Variants in STK25 observed in about 807,000 individuals in gnomAD.
STK25 encodes the protein serine/threonine kinase 25, also known as serine/threonine-protein kinase 25.
Under a neutral mutation model 53.8 loss-of-function variants are expected in STK25, and 29 were observed. The ratio of observed to expected loss-of-function variants is 0.54; its 90% CI spans 0.40 to 0.74. The LOEUF (loss-of-function observed/expected upper bound fraction) is 0.74, where lower values mean the gene tolerates loss of function less well. STK25 is among the 30% of genes least tolerant of loss of function. The probability of loss-of-function intolerance (pLI) is 0.00; values close to 1 mark genes in which losing one functional copy is unlikely to be tolerated. For synonymous variants in STK25, 247 were observed against 238.3 expected, an observed-to-expected ratio of 1.04 and a Z score of -0.33; for missense variants, 420 against 568.0, an observed-to-expected ratio of 0.74 and a Z score of 2.65.
At position 241,496,187 on chromosome 2, in the gene STK25, C is replaced by G. The variant is rs943413431; in HGVS notation, c.1241+211G>C. ...GCCTCAGACCCTTAGACTGGAAAGG[C>G]CCTGCCCACTCTCTCCAGCCCCAAA... is the stretch of plus-strand genomic sequence containing the variant. On this transcript the variant is annotated intron_variant, in intron 11 of 11. Coordinates refer to ENST00000316586, the MANE Select transcript of STK25 (RefSeq NM_001271977.2). This position sits in a 1 kb window ranked among gnomAD's most constrained non-coding sequence, Gnocchi z 5.8. Among the ~76,000 whole-genome samples, 2 of 152,186 alleles carry G rather than the reference C, an allele frequency of 1.3e-5. No homozygotes were observed. Among genetic ancestry groups the G allele is most frequent in the African/African-American group, 4.8e-5 (2 of 41,444 alleles).
intron 2 of STK25, among the ~76,000 whole-genome samples, chr2:241,507,523 C>T (rs889503460): frequency 6.6e-6 from 1 of 152,252 alleles, no homozygotes; most frequent in Non-Finnish European, 1.5e-5. Flanking sequence ...TGCACACCGG[C>T]CACTCAGATC....
chr2:241,493,885 C>T lies in STK25; in HGVS notation c.*1777G>A, dbSNP rs564274819. On this transcript the variant is annotated 3_prime_UTR_variant, in exon 12 of 12. Coordinates refer to ENST00000316586, the MANE Select transcript of STK25 (RefSeq NM_001271977.2). ...GTGCTGGGATTATAGGCATGAGCCA[C>T]CGCACCCGGCCCCAGGTTTTTAACC... 7 of 602,032 alleles carry T rather than the reference C, an allele frequency of 1.2e-5. No homozygotes were observed. In the East Asian group the frequency reaches 1.2e-4, roughly 10 times the overall value. The allele number at this position is 602,032 out of a possible 1,614,324, so 37.3% of individuals were successfully genotyped here.
chr2:241,493,786 A>G lies in STK25; in HGVS notation c.*1876T>C. 2 of 485,962 alleles carry G rather than the reference A, an allele frequency of 4.1e-6. No individual in the cohort carries two copies. Among genetic ancestry groups the G allele is most frequent in the East Asian group, 3.5e-5 (1 of 28,802 alleles). 30.1% of individuals were successfully genotyped at this position (485,962 alleles called of 1,614,324 possible). A position where few individuals can be genotyped will look rare whatever the true frequency, so the allele number is the denominator to read the frequency against. The stretch of plus-strand genomic sequence containing the variant: ...TAATTTTTGTATTTTTAGTAGAGAC[A>G]GGGTTTCACCATGTTGGCCAGGCTG... On this transcript the variant is annotated 3_prime_UTR_variant, in exon 12 of 12. Transcript: ENST00000316586.
At chr2:241,503,770 C>G (rs1448941408) in intron 2 of STK25, among the ~76,000 whole-genome samples, 1 of 151,818 alleles carries the variant, frequency 6.6e-6, no homozygotes, top group African/African-American at 2.4e-5. Flanking sequence ...AGGACAGGTC[C>G]TTGGGTGGGG....
Position 241,494,191 on chromosome 2 carries a change from C to A in STK25, c.*1471G>T. 1.0e-6 allele frequency: 1 copy of A among 977,940 alleles called. No individual in the cohort carries two copies. Among genetic ancestry groups the A allele is most frequent in the Non-Finnish European group, 1.5e-6 (1 of 686,766 alleles). 60.6% of individuals were successfully genotyped at this position (977,940 alleles called of 1,614,324 possible). On this transcript the variant is annotated 3_prime_UTR_variant, in exon 12 of 12. Coordinates refer to ENST00000316586, the MANE Select transcript of STK25 (RefSeq NM_001271977.2). The surrounding 1 kb of genome is among the most constrained non-coding windows in gnomAD (Gnocchi z 4.9). ...GCAGGACACAGAGGTGACCTCTGTCCTGAGGCTTCTCAACAGATGGGAAGT... is the reference window on the plus strand; with the variant it reads ...GCAGGACACAGAGGTGACCTCTGTCATGAGGCTTCTCAACAGATGGGAAGT...
chr2:241,494,942 G>C lies in STK25; in HGVS notation c.*720C>G, dbSNP rs1050786197. On this transcript the variant is annotated 3_prime_UTR_variant, in exon 12 of 12. Transcript: ENST00000316586. This position sits in a 1 kb window ranked among gnomAD's most constrained non-coding sequence, Gnocchi z 4.9. ...GAAGGGGGGCTGGGCTGCCGTCTCT[G>C]CGTGCTGTGATGAGGACTCGGGACC... The C allele has an allele frequency of 6.6e-6, 1 of 152,102 alleles. No homozygotes were observed. Among genetic ancestry groups the C allele is most frequent in the African/African-American group, 2.4e-5 (1 of 41,400 alleles). The allele number at this position is 152,102 out of a possible 1,614,324, so 9.4% of individuals were successfully genotyped here. A position where few individuals can be genotyped will look rare whatever the true frequency, so the allele number is the denominator to read the frequency against.
chr2:241,500,349 T>A, intron 4 of STK25, 68 bp from the exon 5 acceptor site: 1 of 1,124,532 alleles, frequency 8.9e-7, no homozygotes, highest in Non-Finnish European at 1.3e-6. Context: ...GTTCTCTGCC[T>A]CTCTCACAGG....
chr2:241,500,709 T>C (rs981145141), intron 4 of STK25, 31 bp downstream of exon 4: 5 of 1,612,020 alleles, frequency 3.1e-6, no homozygotes, highest in East Asian at 4.5e-5. Flanking sequence ...GGACACTGCA[T>C]GACCCCCCAC....
At chr2:241,500,037 G>A (rs761765303) in intron 5 of STK25, 136 bp downstream of exon 5, 6 of 743,420 alleles carry the variant, frequency 8.1e-6, no homozygotes, top group Admixed American at 7.9e-5. Flanking sequence ...GGACTGCTCA[G>A]TTTCAGGGTG....
Position 241,496,281 on chromosome 2 carries a change from A to G in STK25, c.1241+117T>C, listed in dbSNP as rs1046384416. 1.5e-6 allele frequency: 2 copies of G among 1,293,868 alleles called. No individual in the cohort carries two copies. Among genetic ancestry groups the G allele is most frequent in the African/African-American group, 2.9e-5 (2 of 68,148 alleles). 80.1% of individuals were successfully genotyped at this position (1,293,868 alleles called of 1,614,324 possible). On this transcript the variant is annotated intron_variant, in intron 11 of 11. Transcript: ENST00000316586. This position sits in a 1 kb window ranked among gnomAD's most constrained non-coding sequence, Gnocchi z 5.8. ...GCCACGCCGCGCCTTCCCAGAGTGA[A>G]GCGAGCCCATGTAGTGCCAAATGCA...
chr2:241,503,991 AG>A, intron 2 of STK25: 1 of 470,406 alleles, frequency 2.1e-6, no homozygotes, highest in Non-Finnish European at 4.4e-6. Flanking sequence ...CTGACCTCCC[AG>A]GGTTCCTAAC....
chr2:241,508,781 G>A (rs574851565), upstream of STK25: 15 of 982,268 alleles, frequency 1.5e-5, no homozygotes, highest in East Asian at 1.6e-3. Context: ...GCTCCCGAAA[G>A]GTTTGGACTG....
At chr2:241,504,798 T>C (rs1044561109) in intron 2 of STK25, among the ~76,000 whole-genome samples, 3 of 152,166 alleles carry the variant, frequency 2.0e-5, no homozygotes, top group Non-Finnish European at 2.9e-5. Flanking sequence ...CCTCCTGCCA[T>C]AGAGAGCATC....
Position 241,501,963 on chromosome 2 carries a change from T to C in STK25, c.31-255A>G. 2.4e-6 allele frequency: 1 copy of C among 413,418 alleles called. No individual in the cohort carries two copies. Among genetic ancestry groups the C allele is most frequent in the Non-Finnish European group, 4.5e-6 (1 of 220,550 alleles). 25.6% of individuals were successfully genotyped at this position (413,418 alleles called of 1,614,324 possible). A position where few individuals can be genotyped will look rare whatever the true frequency, so the allele number is the denominator to read the frequency against. On this transcript the variant is annotated intron_variant, in intron 2 of 11. Coordinates refer to ENST00000316586, the MANE Select transcript of STK25 (RefSeq NM_001271977.2). The surrounding 1 kb of genome is among the most constrained non-coding windows in gnomAD (Gnocchi z 5.3). Reference sequence around the variant, plus strand: ...CAGGTGGATCACTTGAGGTCAGGAGTTCGAGACCAGCCTGGCCAGCATGGT... The same window carrying C: ...CAGGTGGATCACTTGAGGTCAGGAGCTCGAGACCAGCCTGGCCAGCATGGT...
rs2065303827 is a variant in STK25, at chr2:241,498,414, G to A, written c.918-65C>T. 12 of 1,436,634 alleles carry A rather than the reference G, an allele frequency of 8.4e-6. No individual in the cohort carries two copies. The Admixed American group carries it at 2.3e-4, about 27-fold the overall frequency. 89.0% of individuals were successfully genotyped at this position (1,436,634 alleles called of 1,614,324 possible). On this transcript the variant is annotated intron_variant, in intron 8 of 11. Coordinates refer to ENST00000316586, the MANE Select transcript of STK25 (RefSeq NM_001271977.2). Reference sequence around the variant, plus strand: ...GGCCAGGAGGCATGAGGGCCTCAGGGCACACCTCACGGCCAAGGGAAACCC... The same window carrying A: ...GGCCAGGAGGCATGAGGGCCTCAGGACACACCTCACGGCCAAGGGAAACCC...
In STK25 at chr2:241,493,367, C is replaced by A; in HGVS notation, c.*2295G>T. ...TCCCCAGGGAGGCCGATGGCATACA[C>A]AAAGACTATGTTTTCAAGCTCCAGT... On this transcript the variant is annotated 3_prime_UTR_variant, in exon 12 of 12. Coordinates refer to ENST00000316586, the MANE Select transcript of STK25 (RefSeq NM_001271977.2). 1 of 1,613,996 alleles carries A rather than the reference C, an allele frequency of 6.2e-7. No homozygotes were observed. The highest frequency in any genetic ancestry group is 8.5e-7 in the Non-Finnish European group (1 of 1,179,960).
chr2:241,495,383 G>A lies in STK25; in HGVS notation c.*279C>T. The stretch of plus-strand genomic sequence containing the variant: ...GAAGACCCAGGCGTAGCTCATGAGG[G>A]CCACGCCGGCGGCTGGAGCCCCCGT... On this transcript the variant is annotated 3_prime_UTR_variant, in exon 12 of 12. Coordinates refer to ENST00000316586, the MANE Select transcript of STK25 (RefSeq NM_001271977.2). 4.3e-6 allele frequency: 2 copies of A among 466,620 alleles called. No individual in the cohort carries two copies. The highest frequency in any genetic ancestry group is 2.7e-5 in the South Asian group (1 of 37,544). The allele number at this position is 466,620 out of a possible 1,614,324, so 28.9% of individuals were successfully genotyped here. A position where few individuals can be genotyped will look rare whatever the true frequency, so the allele number is the denominator to read the frequency against.
chr2:241,504,166 A>C (rs1440174358), intron 2 of STK25: 1 of 469,310 alleles, frequency 2.1e-6, no homozygotes, highest in African/African-American at 2.0e-5. Flanking sequence ...CTGGCTTGTC[A>C]AGGCCCGGGG....
chr2:241,499,186 A>C lies in STK25; in HGVS notation c.586-12T>G. On this transcript the variant is annotated splice_polypyrimidine_tract_variant and intron_variant, in intron 6 of 11. Coordinates refer to ENST00000316586, the MANE Select transcript of STK25 (RefSeq NM_001271977.2). ...GACCAGATGTCAGCCTGGACAGAAC[A>C]CAAGGACTGTTGCTGCCCTGAGCAC... 6.2e-7 allele frequency: 1 copy of C among 1,613,774 alleles called. No homozygotes were observed. Among genetic ancestry groups the C allele is most frequent in the East Asian group, 2.2e-5 (1 of 44,874 alleles).
Sources: allele counts gnomAD v4.1 joint callset (sites outside exome capture counted in the v4.1 genomes callset), GRCh38; gene constraint gnomAD v4.1.1; non-coding constraint Gnocchi (gnomAD v3.1); transcripts MANE v1.5; gene names NCBI Gene and HGNC (gene_info 2026-07-23, HGNC 2026-07-21).